TCP11L1: variants seen among roughly 807,000 people sequenced by gnomAD.
TCP11L1 encodes t-complex 11 like 1.
A neutral mutation model predicts 48.9 loss-of-function variants in TCP11L1; 28 were observed. That is an observed-to-expected ratio of 0.57 (90% CI 0.42 to 0.78). The LOEUF is 0.78. TCP11L1 is among the 30% of genes least tolerant of loss of function. The pLI is 0.00. For synonymous variants in TCP11L1, 204 were observed against 231.9 expected (o/e 0.88, Z 1.09); for missense variants, 505 against 613.4 (o/e 0.82, Z 1.87).
At chr11:33,054,986 T>C (rs1161142075) in intron 3 of TCP11L1, among the ~76,000 whole-genome samples, 2 of 152,266 alleles carry the variant, frequency 1.3e-5, no homozygotes, top group African/African-American at 4.8e-5. Context: ...TCTTTGAAAC[T>C]ATCACACTGC....
intron 7 of TCP11L1, among the ~76,000 whole-genome samples, chr11:33,062,012 C>T (rs1469086872): frequency 6.6e-6 from 1 of 152,002 alleles, no homozygotes; most frequent in African/African-American, 2.4e-5. Context: ...ACCTGGGAGG[C>T]GGAGCTTGCA....
chr11:33,069,922 C>A (rs892401511), intron 9 of TCP11L1, among the ~76,000 whole-genome samples: 11 of 152,268 alleles, frequency 7.2e-5, no homozygotes, highest in South Asian at 2.1e-4. Context: ...TTTATACTCA[C>A]AACCTTCATA....
chr11:33,072,451 G>C lies in TCP11L1; in HGVS notation c.1328-23G>C, dbSNP rs374622963. ...GTAAGGTGAAGGACAAGAAACAACT[G>C]ACCACTTTCTTTTTTGTCACAGAAT... On this transcript the variant is annotated intron_variant, in intron 9 of 9. Coordinates refer to ENST00000334274, the MANE Select transcript of TCP11L1 (RefSeq NM_018393.4). The C allele has an allele frequency of 3.5e-5, 56 of 1,613,150 alleles. No individual in the cohort carries two copies. The Middle Eastern group carries it at 5.0e-4, about 14-fold the overall frequency.
intron 6 of TCP11L1, among the ~76,000 whole-genome samples, chr11:33,060,681 G>A (rs1371891496): frequency 1.3e-5 from 2 of 152,108 alleles, no homozygotes; most frequent in Non-Finnish European, 2.9e-5. Flanking sequence ...AGCCAGATGG[G>A]GCTTCCCTGA....
At chr11:33,062,867 T>TA (rs1244683121) in intron 7 of TCP11L1, among the ~76,000 whole-genome samples, 4 of 152,258 alleles carry the variant, frequency 2.6e-5, no homozygotes, top group Non-Finnish European at 4.4e-5. Context: ...CTGGGTTTTT[T>TA]AAAATTTTTT....
At chr11:33,057,869 G>T (rs780979549) in intron 4 of TCP11L1, 50 bp from the exon 5 acceptor site, 7 of 1,474,394 alleles carry the variant, frequency 4.7e-6, no homozygotes, top group Non-Finnish European at 6.4e-6. Context: ...CATATAATTA[G>T]AAATGATGTC....
chr11:33,063,999 C>A (rs1854538795), intron 7 of TCP11L1, among the ~76,000 whole-genome samples: 1 of 152,078 alleles, frequency 6.6e-6, no homozygotes, highest in African/African-American at 2.4e-5. Flanking sequence ...TTTTCCCCAC[C>A]GCTGATCATC....
intron 6 of TCP11L1, 62 bp from the exon 7 acceptor site, chr11:33,061,468 G>A: frequency 6.8e-7 from 1 of 1,467,962 alleles, no homozygotes; most frequent in Non-Finnish European, 9.1e-7. Flanking sequence ...TGTCCCTTAA[G>A]TAATTCCGAG....
At chr11:33,069,822 G>C (rs1854725468) in intron 9 of TCP11L1, among the ~76,000 whole-genome samples, 1 of 152,116 alleles carries the variant, frequency 6.6e-6, no homozygotes, top group Non-Finnish European at 1.5e-5. Context: ...GGCCAGGCTG[G>C]TCTCAAATTC....
intron 6 of TCP11L1, among the ~76,000 whole-genome samples, chr11:33,061,190 A>G (rs1292549957): frequency 6.6e-6 from 1 of 152,094 alleles, no homozygotes; most frequent in African/African-American, 2.4e-5. Flanking sequence ...TCCTGGGCTC[A>G]AGCAGTCTTC....
chr11:33,066,146 C>G (rs1193798741), intron 8 of TCP11L1, 135 bp downstream of exon 8: 3 of 1,184,112 alleles, frequency 2.5e-6, no homozygotes, highest in East Asian at 2.4e-5. Context: ...CTTGCTGTCT[C>G]AGTTGGTTCA....
chr11:33,057,902 G>A lies in TCP11L1; in HGVS notation c.418-17G>A. On this transcript the variant is annotated splice_polypyrimidine_tract_variant and intron_variant, in intron 4 of 9. Coordinates refer to ENST00000334274, the MANE Select transcript of TCP11L1 (RefSeq NM_018393.4). The stretch of plus-strand genomic sequence containing the variant: ...GTCTAAAGAATTTTGATTAAACGTA[G>A]CTGTGTTCTCTTGTAGACTCTCTTA... 6.3e-7 allele frequency: 1 copy of A among 1,591,954 alleles called. No homozygotes were observed.
intron 6 of TCP11L1, among the ~76,000 whole-genome samples, chr11:33,060,710 A>G (rs1449440275): frequency 6.6e-6 from 1 of 152,170 alleles, no homozygotes; most frequent in Non-Finnish European, 1.5e-5. Context: ...ACTTTCCCCC[A>G]GGTTGAAAGG....
chr11:33,041,775 C>A (rs1413964128), intron 1 of TCP11L1, among the ~76,000 whole-genome samples: 65 of 151,738 alleles, frequency 4.3e-4, no homozygotes, highest in Non-Finnish European at 2.4e-4. Flanking sequence ...AACAAAAAAA[C>A]AGGCCTGAAT....
chr11:33,070,805 C>T (rs1216417326), intron 9 of TCP11L1, among the ~76,000 whole-genome samples: 1 of 151,760 alleles, frequency 6.6e-6, no homozygotes, highest in Admixed American at 6.6e-5. Flanking sequence ...AGTTTGAGAC[C>T]AGCCTGGCCA....
At position 33,073,389 on chromosome 11, in the gene TCP11L1, T is replaced by C. The variant is rs369128539; in HGVS notation, c.*713T>C. On this transcript the variant is annotated 3_prime_UTR_variant, in exon 10 of 10. Coordinates refer to ENST00000334274, the MANE Select transcript of TCP11L1 (RefSeq NM_018393.4). Reference sequence around the variant, plus strand: ...TCTGGTTGAGAGCAGTTATGACTTATGAGATCTAGTGAAAGGAAAGTCTTT... The same window carrying C: ...TCTGGTTGAGAGCAGTTATGACTTACGAGATCTAGTGAAAGGAAAGTCTTT... 2.0e-5 allele frequency: 3 copies of C among 152,186 alleles called. No homozygotes were observed. Among genetic ancestry groups the C allele is most frequent in the African/African-American group, 7.2e-5 (3 of 41,438 alleles). The allele number at this position is 152,186 out of a possible 1,614,324, so 9.4% of individuals were successfully genotyped here.
At chr11:33,051,076 G>A (rs183107810) in intron 2 of TCP11L1, among the ~76,000 whole-genome samples, 27 of 152,246 alleles carry the variant, frequency 1.8e-4, no homozygotes, top group Non-Finnish European at 2.9e-4. Flanking sequence ...CTCCCAAAGG[G>A]CTGGGATTAC....
At chr11:33,058,923 T>C (rs1445238094) in intron 5 of TCP11L1, 36 bp from the exon 6 acceptor site, 1 of 1,607,890 alleles carries the variant, frequency 6.2e-7, no homozygotes, top group African/African-American at 1.3e-5. Flanking sequence ...ATGTTTACTT[T>C]ACAAATGCTT....
At chr11:33,066,056 A>G in intron 8 of TCP11L1, 45 bp downstream of exon 8, 1 of 1,604,326 alleles carries the variant, frequency 6.2e-7, no homozygotes, top group Non-Finnish European at 8.5e-7. Context: ...TGGATGTCAG[A>G]GAGCCGACTG....
Sources: gnomAD v4.1 joint callset for allele counts (sites outside exome capture counted in the v4.1 genomes callset) on GRCh38, gnomAD v4.1.1 for gene constraint, MANE v1.5 for transcripts, NCBI Gene and HGNC (gene_info 2026-07-23, HGNC 2026-07-21) for gene names.